The following TLL2 variants were observed in gnomAD, a reference collection of about 807,000 sequenced individuals.
The protein encoded by TLL2 is tolloid-like protein 2.
Under a neutral mutation model 123.0 loss-of-function variants are expected in TLL2, and 106 were observed. The observed-to-expected ratio is 0.86, with a 90% CI of 0.74 to 1.01. The LOEUF (loss-of-function observed/expected upper bound fraction) is 1.01. Among genes scored for constraint, TLL2 ranks in the 50% least tolerant of loss-of-function variants. TLL2 has a pLI of 0.00. For missense variants in TLL2, 1,332 were observed against 1,336.7 expected (o/e 1.00, Z 0.06); for synonymous variants, 494 against 516.8 (o/e 0.96, Z 0.60).
intron 1 of TLL2, among the ~76,000 whole-genome samples, chr10:96,482,135 G>A (rs1382571591): frequency 1.3e-5 from 2 of 152,136 alleles, no homozygotes; most frequent in Non-Finnish European, 2.9e-5. Context: ...GCGGGCGCCT[G>A]TAGTCCCAGC....
chr10:96,399,221 T>TA (rs1208925289), intron 10 of TLL2, among the ~76,000 whole-genome samples: 1 of 152,196 alleles, frequency 6.6e-6, no homozygotes, highest in Admixed American at 6.5e-5. Context: ...CTGAGCATGC[T>TA]AAAAACCATT....
At position 96,365,286 on chromosome 10, in the gene TLL2, C is replaced by G. The variant is rs1463166717; in HGVS notation, c.*2802G>C. ...CAGGTAAATACCTCTAAATATTTAC[C>G]TTAGAGGAAAATAGAGGGAATAGTG... On this transcript the variant is annotated 3_prime_UTR_variant, in exon 21 of 21. Transcript: ENST00000357947. The G allele has an allele frequency of 6.6e-6, 1 of 152,146 alleles. No individual in the cohort carries two copies. Among genetic ancestry groups the G allele is most frequent in the East Asian group, 1.9e-4 (1 of 5,194 alleles). 9.4% of individuals were successfully genotyped at this position (152,146 alleles called of 1,614,324 possible).
intron 1 of TLL2, among the ~76,000 whole-genome samples, chr10:96,484,032 T>G (rs916896421): frequency 6.6e-6 from 1 of 152,152 alleles, no homozygotes; most frequent in Non-Finnish European, 1.5e-5. Context: ...TTAGTAGAGA[T>G]GGGGTTTCAC....
At chr10:96,476,248 T>TTTTTTTTTTGTTGTTGTTG (rs1285354320) in intron 2 of TLL2, among the ~76,000 whole-genome samples, 1 of 69,238 alleles carries the variant, frequency 1.4e-5, no homozygotes, top group African/African-American at 6.2e-5. Flanking sequence ...ATATTTTATT[T>TTTTTTTTTTGTTGTTGTTG]TTGTTGTTGT....
At chr10:96,463,624 G>A (rs1056875899) in intron 2 of TLL2, among the ~76,000 whole-genome samples, 1 of 152,198 alleles carries the variant, frequency 6.6e-6, no homozygotes. Flanking sequence ...TCCCAGGCAG[G>A]GGGAGGGGGA....
chr10:96,375,874 C>A (rs11188739), intron 18 of TLL2, among the ~76,000 whole-genome samples: 49,670 of 152,054 alleles, frequency 0.33, 9,002 homozygotes, highest in East Asian at 0.65. Context: ...GTCAGAAAAA[C>A]CCATTTAAAA....
At chr10:96,415,926 G>C (rs539064745) in intron 7 of TLL2, among the ~76,000 whole-genome samples, 1 of 150,212 alleles carries the variant, frequency 6.7e-6, no homozygotes, top group East Asian at 2.0e-4. Context: ...TCCAACCTTA[G>C]CCTGTGGGAG....
chr10:96,504,330 C>T (rs1417488675), intron 1 of TLL2, among the ~76,000 whole-genome samples: 2 of 152,156 alleles, frequency 1.3e-5, no homozygotes, highest in Non-Finnish European at 2.9e-5. Context: ...CTGGGTATAG[C>T]TGGGCATGGT....
At chr10:96,409,790 C>G (rs575609336) in intron 9 of TLL2, among the ~76,000 whole-genome samples, 1 of 152,328 alleles carries the variant, frequency 6.6e-6, no homozygotes, top group East Asian at 1.9e-4. Context: ...GTCCACACAG[C>G]TCTGAGCCCA....
At position 96,368,006 on chromosome 10, in the gene TLL2, C is replaced by A. The variant is rs552142355; in HGVS notation, c.*82G>T. On this transcript the variant is annotated 3_prime_UTR_variant, in exon 21 of 21. Transcript: ENST00000357947. ...AAAAATACTGTACACTGTTTTAGGGCAGATTTTCAAGGTGCTATTGTTGTT... is the reference window on the plus strand; with the variant it reads ...AAAAATACTGTACACTGTTTTAGGGAAGATTTTCAAGGTGCTATTGTTGTT... 1.3e-5 allele frequency: 20 copies of A among 1,538,540 alleles called. No individual in the cohort carries two copies. The South Asian group carries it at 2.2e-4, about 17-fold the overall frequency.
intron 2 of TLL2, among the ~76,000 whole-genome samples, chr10:96,457,139 C>T (rs771255760): frequency 1.1e-4 from 17 of 152,140 alleles, no homozygotes; most frequent in Non-Finnish European, 2.4e-4. Flanking sequence ...TTGTAGGGAC[C>T]CAGACATAGC....
chr10:96,404,000 C>T (rs1432323180), intron 10 of TLL2, among the ~76,000 whole-genome samples: 3 of 151,996 alleles, frequency 2.0e-5, no homozygotes, highest in African/African-American at 7.2e-5. Context: ...GATTCTTTTG[C>T]TCACATGTTT....
At chr10:96,401,256 G>C (rs1297419840) in intron 10 of TLL2, among the ~76,000 whole-genome samples, 1 of 152,148 alleles carries the variant, frequency 6.6e-6, no homozygotes, top group Non-Finnish European at 1.5e-5. Context: ...ACAGTTTTCA[G>C]AGCAAGATGC....
At chr10:96,453,227 G>A (rs1340384337) in intron 2 of TLL2, among the ~76,000 whole-genome samples, 6 of 152,084 alleles carry the variant, frequency 3.9e-5, no homozygotes, top group Non-Finnish European at 7.4e-5. Context: ...AGGCAGAGGC[G>A]GGCGGATCAC....
chr10:96,424,597 AT>A lies in TLL2; in HGVS notation c.639-1871del, dbSNP rs368540432. On this transcript the variant is annotated intron_variant, in intron 5 of 20. Transcript: ENST00000357947. The stretch of plus-strand genomic sequence containing the variant: ...TAGTTTTTCACATATTTTAAGCGAC[AT>A]TTTTTTTTCTGTGAATTATGTGATC... Among the ~76,000 whole-genome samples the A allele has an allele frequency of 8.6e-5, 13 of 150,490 alleles. No homozygotes were observed. The South Asian group carries it at 2.1e-3, about 24-fold the overall frequency.
intron 2 of TLL2, among the ~76,000 whole-genome samples, chr10:96,479,130 T>C (rs1056812060): frequency 2.6e-5 from 4 of 152,158 alleles, no homozygotes; most frequent in African/African-American, 9.7e-5. Flanking sequence ...TAAAAATAAT[T>C]GAAAACTCCA....
chr10:96,444,022 A>C (rs892218213), intron 3 of TLL2, among the ~76,000 whole-genome samples: 1 of 152,246 alleles, frequency 6.6e-6, no homozygotes, highest in Admixed American at 6.5e-5. Context: ...CAGGACAGGA[A>C]GAGGCGATTC....
intron 2 of TLL2, among the ~76,000 whole-genome samples, chr10:96,454,592 C>G (rs551122037): frequency 6.6e-6 from 1 of 152,186 alleles, no homozygotes. Flanking sequence ...CCCCTGGACT[C>G]CAGGTATCCT....
In TLL2 at chr10:96,366,189, G is replaced by A. The variant is rs1846023923; in HGVS notation, c.*1899C>T. The A allele has an allele frequency of 6.6e-6, 1 of 152,510 alleles. No homozygotes were observed. Among genetic ancestry groups the A allele is most frequent in the African/African-American group, 2.4e-5 (1 of 41,458 alleles). The allele number at this position is 152,510 out of a possible 1,614,324, so 9.4% of individuals were successfully genotyped here. A position where few individuals can be genotyped will look rare whatever the true frequency, so the allele number is the denominator to read the frequency against. On this transcript the variant is annotated 3_prime_UTR_variant, in exon 21 of 21. Transcript: ENST00000357947. Reference sequence around the variant, plus strand: ...TGGAATCTACCCTAACAGGCAGGTGGGATTGGAGCCATGAGGTCAGCTGCT... The same window carrying A: ...TGGAATCTACCCTAACAGGCAGGTGAGATTGGAGCCATGAGGTCAGCTGCT...
Sources: allele counts gnomAD v4.1 joint callset (sites outside exome capture counted in the v4.1 genomes callset), GRCh38; gene constraint gnomAD v4.1.1; transcripts MANE v1.5; gene names NCBI Gene and HGNC (gene_info 2026-07-23, HGNC 2026-07-21).